GRIA1: variants seen among roughly 807,000 people sequenced by gnomAD.
GRIA1 encodes the protein glutamate receptor 1.
GRIA1 carries 31 observed loss-of-function variants against 99.2 expected under a neutral mutation model. That is an observed-to-expected ratio of 0.31 (90% CI 0.23 to 0.42). GRIA1 has a LOEUF of 0.42. Among genes scored for constraint, GRIA1 ranks in the 10% least tolerant of loss-of-function variants. The pLI is 1.00. For synonymous variants in GRIA1, 438 were observed against 432.4 expected (o/e 1.01, Z -0.16); for missense variants, 782 against 1,157.5 (o/e 0.68, Z 4.71).
At chr5:153,776,177 G>T (rs887273084) in intron 13 of GRIA1, among the ~76,000 whole-genome samples, 2 of 152,158 alleles carry the variant, frequency 1.3e-5, no homozygotes, top group Non-Finnish European at 2.9e-5. Flanking sequence ...AACCTGTTGT[G>T]GTCATCTTGG....
intron 14 of GRIA1, among the ~76,000 whole-genome samples, chr5:153,799,904 C>T (rs1051564308): frequency 1.2e-4 from 19 of 152,264 alleles, no homozygotes; most frequent in African/African-American, 3.9e-4. Context: ...ATGAAAATCT[C>T]ACCCTACTTC....
intron 11 of GRIA1, among the ~76,000 whole-genome samples, chr5:153,709,947 C>T (rs554167334): frequency 2.0e-5 from 3 of 152,212 alleles, no homozygotes; most frequent in African/African-American, 7.2e-5. Context: ...TGCCTAAAAT[C>T]AATGTTTTCT....
intron 4 of GRIA1, among the ~76,000 whole-genome samples, chr5:153,655,397 A>G (rs1304653967): frequency 6.6e-6 from 1 of 152,214 alleles, no homozygotes; most frequent in East Asian, 1.9e-4. Context: ...CCAATCAGCG[A>G]ATATTGTCAT....
intron 11 of GRIA1, among the ~76,000 whole-genome samples, chr5:153,721,596 A>C (rs1760075090): frequency 6.6e-6 from 1 of 152,172 alleles, no homozygotes; most frequent in Non-Finnish European, 1.5e-5. Flanking sequence ...CTGTTTTTGA[A>C]TCTACTGAAT....
At chr5:153,686,436 G>A (rs1017465512) in intron 8 of GRIA1, 107 bp downstream of exon 8, 22 of 730,316 alleles carry the variant, frequency 3.0e-5, no homozygotes, top group Middle Eastern at 3.2e-4. Flanking sequence ...GATCTTTGAA[G>A]AAACTCAGAC....
At chr5:153,645,307 T>C (rs1271233227) in intron 2 of GRIA1, among the ~76,000 whole-genome samples, 1 of 152,128 alleles carries the variant, frequency 6.6e-6, no homozygotes, top group Admixed American at 6.5e-5. Flanking sequence ...GTAGGACAGA[T>C]GGGTTATATG....
intron 15 of GRIA1, among the ~76,000 whole-genome samples, chr5:153,807,004 G>A (rs555768436): frequency 3.9e-5 from 6 of 152,286 alleles, no homozygotes; most frequent in East Asian, 1.9e-4. Context: ...ACATGGCAAC[G>A]GATCATTTTT....
At chr5:153,656,412 T>TA (rs1754968316) in intron 5 of GRIA1, among the ~76,000 whole-genome samples, 1 of 147,772 alleles carries the variant, frequency 6.8e-6, no homozygotes, top group South Asian at 2.1e-4. Flanking sequence ...TATATATATA[T>TA]ATTTGTTTTA....
At chr5:153,618,570 G>T (rs893517605) in intron 2 of GRIA1, among the ~76,000 whole-genome samples, 4 of 152,258 alleles carry the variant, frequency 2.6e-5, no homozygotes, top group African/African-American at 9.6e-5. Context: ...GCCCAATGGA[G>T]ACTTCAGGCT....
chr5:153,701,820 C>T (rs978624398), intron 10 of GRIA1, among the ~76,000 whole-genome samples: 1 of 151,990 alleles, frequency 6.6e-6, no homozygotes, highest in African/African-American at 2.4e-5. Context: ...TTTATTCTTT[C>T]TGTGGCTTTC....
At chr5:153,677,574 C>T (rs1191112053) in intron 7 of GRIA1, among the ~76,000 whole-genome samples, 3 of 152,200 alleles carry the variant, frequency 2.0e-5, no homozygotes, top group African/African-American at 7.2e-5. Context: ...TATGTGGACC[C>T]TAAAAATGTT....
intron 13 of GRIA1, among the ~76,000 whole-genome samples, chr5:153,779,176 T>C (rs1764477104): frequency 6.6e-6 from 1 of 152,228 alleles, no homozygotes; most frequent in South Asian, 2.1e-4. Context: ...ACATTAATCC[T>C]TCCCTCATCT....
rs34742536 is a variant in GRIA1 at position 153,741,934 on chromosome 5, T to TA, written c.1824-22484dup. Among the ~76,000 whole-genome samples the TA allele has an allele frequency of 5.6e-3, 813 of 144,934 alleles. 4 individuals are homozygous for TA. The highest frequency in any genetic ancestry group is 0.013 in the African/African-American group (491 of 38,960). ...TAACGTATAAAACTAAAGCTTTTTT[T>TA]AAAAAAAAAAAAAAAAGAAAAAGAG... On this transcript the variant is annotated intron_variant, in intron 11 of 15. Coordinates refer to ENST00000285900, the MANE Select transcript of GRIA1 (RefSeq NM_000827.4).
rs1561684273 is a variant in GRIA1 at position 153,607,067 on chromosome 5, AT to A, written c.221-39860del. 1.2e-4 allele frequency among the ~76,000 whole-genome samples: 18 copies of A among 147,750 alleles called. No homozygotes were observed. The East Asian group carries it at 2.9e-3, about 24-fold the overall frequency. ...GATATATATATATATATATATATAT[AT>A]AATCACAGTTTCTTTATCCACTCGT... On this transcript the variant is annotated intron_variant, in intron 2 of 15. Transcript: ENST00000285900.
intron 4 of GRIA1, among the ~76,000 whole-genome samples, chr5:153,654,139 A>G (rs562553443): frequency 2.0e-5 from 3 of 152,198 alleles, no homozygotes; most frequent in East Asian, 3.9e-4. Context: ...TGCTTCTTTC[A>G]CCTTTCCACT....
intron 2 of GRIA1, among the ~76,000 whole-genome samples, chr5:153,615,103 A>G (rs1766361563): frequency 6.6e-6 from 1 of 152,232 alleles, no homozygotes; most frequent in Non-Finnish European, 1.5e-5. Flanking sequence ...AACTCCAATA[A>G]TGAGCCTTGT....
intron 2 of GRIA1, among the ~76,000 whole-genome samples, chr5:153,562,595 G>A (rs913560493): frequency 4.6e-5 from 7 of 152,164 alleles, no homozygotes; most frequent in African/African-American, 1.7e-4. Flanking sequence ...CTTGTGACTA[G>A]ACGAGAGAAA....
chr5:153,630,839 G>T (rs1022145749), intron 2 of GRIA1, among the ~76,000 whole-genome samples: 2 of 152,190 alleles, frequency 1.3e-5, no homozygotes, highest in Admixed American at 6.5e-5. Context: ...GTGGTTGCTT[G>T]GTGTATGTGT....
At chr5:153,504,980 T>C (rs975643442) in intron 2 of GRIA1, among the ~76,000 whole-genome samples, 17 of 152,288 alleles carry the variant, frequency 1.1e-4, no homozygotes, top group African/African-American at 3.8e-4. Flanking sequence ...GTTCTCCTAA[T>C]TGGTTCCATC....
Sources: allele counts gnomAD v4.1 joint callset (sites outside exome capture counted in the v4.1 genomes callset), GRCh38; gene constraint gnomAD v4.1.1; transcripts MANE v1.5; gene names NCBI Gene and HGNC (gene_info 2026-07-23, HGNC 2026-07-21).